The following MRPS9 variants were observed in gnomAD, a reference collection of about 807,000 sequenced individuals.
The protein encoded by MRPS9 is small ribosomal subunit protein uS9m.
A neutral mutation model predicts 59.9 loss-of-function variants in MRPS9; 45 were observed. The observed-to-expected ratio is 0.75, with a 90% CI of 0.59 to 0.96. The LOEUF (loss-of-function observed/expected upper bound fraction) is 0.96, where lower values mean the gene tolerates loss of function less well. Among genes scored for constraint, MRPS9 ranks in the 40% least tolerant of loss-of-function variants. The probability of loss-of-function intolerance (pLI) is 0.00; values close to 1 mark genes in which losing one functional copy is unlikely to be tolerated. For synonymous variants in MRPS9, 171 were observed against 166.8 expected (o/e 1.03, Z -0.19); for missense variants, 473 against 481.1 (o/e 0.98, Z 0.16).
At chr2:105,079,088 A>C (rs537044266) in intron 4 of MRPS9, among the ~76,000 whole-genome samples, 1 of 152,292 alleles carries the variant, frequency 6.6e-6, no homozygotes, top group Non-Finnish European at 1.5e-5. Flanking sequence ...CCTTCATGGG[A>C]TGAATCATGA....
At chr2:105,046,287 A>G (rs1489521990) in intron 1 of MRPS9, among the ~76,000 whole-genome samples, 1 of 149,968 alleles carries the variant, frequency 6.7e-6, no homozygotes, top group East Asian at 2.0e-4. Context: ...CAGACAGACC[A>G]TCTTCTATTT....
intron 2 of MRPS9, among the ~76,000 whole-genome samples, chr2:105,059,701 G>T (rs1679860531): frequency 6.6e-6 from 1 of 151,860 alleles, no homozygotes; most frequent in South Asian, 2.1e-4. Flanking sequence ...TTCTGTCATG[G>T]TTGGTAAACT....
At chr2:105,053,298 T>C (rs73945012) in intron 2 of MRPS9, among the ~76,000 whole-genome samples, 30,224 of 152,088 alleles carry the variant, frequency 0.2, 3,095 homozygotes, top group Middle Eastern at 0.35. Context: ...AGAGTAGCTA[T>C]GGTCTATAAT....
chr2:105,058,922 C>T (rs933517131), intron 2 of MRPS9, among the ~76,000 whole-genome samples: 1 of 152,114 alleles, frequency 6.6e-6, no homozygotes, highest in Non-Finnish European at 1.5e-5. Context: ...TTGTGATCCA[C>T]CCACCTCGGC....
chr2:105,089,999 A>T lies in MRPS9; in HGVS notation c.651+4A>T. On this transcript the variant is annotated splice_donor_region_variant and intron_variant, in intron 7 of 10. Transcript: ENST00000258455. ...GGAAAAACTGTCAGATCTAGATGTGAGTAATTAATCTTTTTAATTTAAGGG... is the reference window on the plus strand; with the variant it reads ...GGAAAAACTGTCAGATCTAGATGTGTGTAATTAATCTTTTTAATTTAAGGG... 6.4e-7 allele frequency: 1 copy of T among 1,565,602 alleles called. No individual in the cohort carries two copies. Among genetic ancestry groups the T allele is most frequent in the Middle Eastern group, 1.7e-4 (1 of 5,936 alleles).
chr2:105,058,487 T>G (rs954589892), intron 2 of MRPS9, among the ~76,000 whole-genome samples: 3 of 152,216 alleles, frequency 2.0e-5, no homozygotes, highest in South Asian at 2.1e-4. Context: ...AGGGAACTGT[T>G]GAATATCAGT....
At chr2:105,092,259 G>A in intron 7 of MRPS9, 142 bp from the exon 8 acceptor site, 1 of 589,784 alleles carries the variant, frequency 1.7e-6, no homozygotes. Context: ...TGTTTTAAAA[G>A]CAGCGTGAAG....
chr2:105,088,889 AAGTACTTAC>A (rs1241547380), intron 5 of MRPS9, 86 bp from the exon 6 acceptor site: 1 of 742,410 alleles, frequency 1.3e-6, no homozygotes, highest in Non-Finnish European at 2.1e-6. Flanking sequence ...ACACCTTAGG[AAGTACTTAC>A]AGGAGAAAAC....
chr2:105,038,401 C>T, intron 1 of MRPS9, 174 bp downstream of exon 1: 2 of 773,164 alleles, frequency 2.6e-6, no homozygotes, highest in South Asian at 3.7e-5. Flanking sequence ...GTGCAGTAGC[C>T]GCTCTAGAGG....
chr2:105,045,140 G>A (rs904601115), intron 1 of MRPS9, among the ~76,000 whole-genome samples: 5 of 152,124 alleles, frequency 3.3e-5, no homozygotes, highest in Non-Finnish European at 1.5e-5. Flanking sequence ...AAACTATGGA[G>A]AACAGAAGAA....
At chr2:105,081,718 G>A (rs900279991) in intron 5 of MRPS9, among the ~76,000 whole-genome samples, 1 of 152,176 alleles carries the variant, frequency 6.6e-6, no homozygotes, top group African/African-American at 2.4e-5. Context: ...TGACTAAAAT[G>A]TCAAATGATA....
chr2:105,089,845 A>G (rs760009627), intron 6 of MRPS9, 75 bp from the exon 7 acceptor site: 26 of 951,398 alleles, frequency 2.7e-5, no homozygotes, highest in Non-Finnish European at 3.4e-5. Flanking sequence ...AATTGCTACT[A>G]TATGTGGGAT....
chr2:105,073,956 T>A (rs1424101629), intron 4 of MRPS9, among the ~76,000 whole-genome samples: 1 of 152,224 alleles, frequency 6.6e-6, no homozygotes, highest in East Asian at 1.9e-4. Flanking sequence ...TGCAGAGGCC[T>A]ATGGACTATT....
intron 5 of MRPS9, among the ~76,000 whole-genome samples, chr2:105,081,221 T>C (rs1680333682): frequency 1.3e-5 from 2 of 152,346 alleles, no homozygotes; most frequent in Admixed American, 1.3e-4. Flanking sequence ...CGCTTCATGG[T>C]GCAGACGCAA....
intron 2 of MRPS9, among the ~76,000 whole-genome samples, chr2:105,064,685 A>G (rs78386370): frequency 0.045 from 6,831 of 152,256 alleles, 539 homozygotes; most frequent in African/African-American, 0.16. Context: ...CTAAGGTGGC[A>G]CTAAGAGAAG....
chr2:105,093,792 A>G (rs997678407), intron 9 of MRPS9, among the ~76,000 whole-genome samples, 154 bp downstream of exon 9: 1 of 152,176 alleles, frequency 6.6e-6, no homozygotes, highest in Non-Finnish European at 1.5e-5. Flanking sequence ...AATTGAAGCT[A>G]TTTTTTAAAG....
At chr2:105,076,623 G>A (rs1452974641) in intron 4 of MRPS9, among the ~76,000 whole-genome samples, 1 of 152,172 alleles carries the variant, frequency 6.6e-6, no homozygotes, top group African/African-American at 2.4e-5. Flanking sequence ...TGTTTTTGGA[G>A]TTAAGAAATT....
chr2:105,075,922 A>C (rs1680202398), intron 4 of MRPS9, among the ~76,000 whole-genome samples: 1 of 152,204 alleles, frequency 6.6e-6, no homozygotes, highest in African/African-American at 2.4e-5. Context: ...GATCCCATTA[A>C]GTTCAGGAAT....
chr2:105,043,741 TCTC>T (rs1200817071), intron 1 of MRPS9, among the ~76,000 whole-genome samples: 1 of 151,866 alleles, frequency 6.6e-6, no homozygotes, highest in Non-Finnish European at 1.5e-5. Context: ...TTCAAGCAGT[TCTC>T]CTGCCTCAGC....
Sources: gnomAD v4.1 joint callset for allele counts (sites outside exome capture counted in the v4.1 genomes callset) on GRCh38, gnomAD v4.1.1 for gene constraint, MANE v1.5 for transcripts, NCBI Gene and HGNC (gene_info 2026-07-23, HGNC 2026-07-21) for gene names.